Variants in USP47 observed in about 807,000 individuals in gnomAD.
USP47 encodes the protein ubiquitin specific peptidase 47.
In USP47, 35 loss-of-function variants were observed where a neutral mutation model predicts 165.1. The observed-to-expected ratio is 0.21, with a 90% CI of 0.16 to 0.28. USP47 has a LOEUF of 0.28. Ranked by LOEUF, USP47 falls within the 10% of genes least tolerant of loss-of-function variation. The pLI, the probability that USP47 is intolerant of heterozygous loss-of-function variation, is 1.00. For missense variants in USP47, 1,277 were observed against 1,607.4 expected (o/e 0.79, Z 3.52); for synonymous variants, 531 against 544.5 (o/e 0.98, Z 0.35).
chr11:11,912,727 A>G (rs1002066319), intron 8 of USP47, among the ~76,000 whole-genome samples: 1 of 152,120 alleles, frequency 6.6e-6, no homozygotes, highest in African/African-American at 2.4e-5. Context: ...CTTAAAAAAA[A>G]CAGTATCCCT....
At chr11:11,899,281 G>C (rs78226853) in intron 5 of USP47, among the ~76,000 whole-genome samples, 5,874 of 152,278 alleles carry the variant, frequency 0.039, 147 homozygotes, top group Non-Finnish European at 0.058. Flanking sequence ...CTGGGCACTT[G>C]TTTAACCATC....
At chr11:11,892,156 A>T (rs777518354) in intron 4 of USP47, 50 bp downstream of exon 4, 1 of 1,559,830 alleles carries the variant, frequency 6.4e-7, no homozygotes, top group South Asian at 1.2e-5. Flanking sequence ...GATCCAAAGT[A>T]ATCTTAGCGA....
intron 20 of USP47, 106 bp from the exon 21 acceptor site, chr11:11,947,839 C>A: frequency 1.7e-6 from 2 of 1,173,832 alleles, no homozygotes; most frequent in Non-Finnish European, 2.3e-6. Context: ...AAAAGGGGTA[C>A]TCTTTACTGC....
intron 20 of USP47, among the ~76,000 whole-genome samples, chr11:11,945,394 C>G (rs1037427360): frequency 1.3e-5 from 2 of 152,166 alleles, no homozygotes; most frequent in South Asian, 4.1e-4. Flanking sequence ...GAATGATGCA[C>G]TATGCACAGT....
rs549558632 is a variant in USP47, at chr11:11,936,505, C to A, written c.2072C>A (p.Pro691His). ...KPDQVFQSYK[P>H]GEVMVKVHVV... ...GATCAGGTTTTCCAATCTTATAAAC[C>A]TGGAGGTGAGCAATTTTACACTATT... is the stretch of plus-strand genomic sequence containing the variant. The change falls in exon 17 of 28, where the codon CCT becomes CAT. Residue 691 changes from proline to histidine, a missense_variant. By Grantham distance (77) the Pro-to-His change is moderately conservative (BLOSUM62 -2). Around this residue, in one of 4 missense-constraint regions of USP47, gnomAD observed 909 missense variants for 1,068.1 expected, o/e 0.85. Transcript: ENST00000527733. The A allele has an allele frequency of 6.4e-7, 1 of 1,574,118 alleles. No individual in the cohort carries two copies. The highest frequency in any genetic ancestry group is 8.7e-7 in the Non-Finnish European group (1 of 1,155,808).
intron 13 of USP47, 138 bp downstream of exon 13, chr11:11,930,258 T>C: frequency 2.8e-6 from 2 of 726,456 alleles, no homozygotes; most frequent in East Asian, 5.4e-5. Context: ...CTCCATATTT[T>C]GGAAATAAAG....
chr11:11,916,689 G>A (rs1424035527), intron 8 of USP47, among the ~76,000 whole-genome samples: 1 of 152,104 alleles, frequency 6.6e-6, no homozygotes, highest in Non-Finnish European at 1.5e-5. Context: ...CCAGCAAAGG[G>A]TGTCCAACAT....
At chr11:11,938,458 A>G in intron 18 of USP47, 86 bp downstream of exon 18, 4 of 922,802 alleles carry the variant, frequency 4.3e-6, no homozygotes, top group Non-Finnish European at 5.0e-6. Context: ...AATAAGATAC[A>G]TGCTTTACCT....
chr11:11,939,048 G>A (rs1178854093), intron 18 of USP47, among the ~76,000 whole-genome samples: 1 of 151,928 alleles, frequency 6.6e-6, no homozygotes, highest in Non-Finnish European at 1.5e-5. Flanking sequence ...AAATACTGGT[G>A]CCATTATGTG....
intron 25 of USP47, among the ~76,000 whole-genome samples, chr11:11,953,601 A>C (rs1344707069): frequency 6.6e-6 from 1 of 152,168 alleles, no homozygotes; most frequent in African/African-American, 2.4e-5. Context: ...AAGCTAAAAG[A>C]CAATAAACTA....
chr11:11,949,621 T>C (rs1239087964), intron 22 of USP47, among the ~76,000 whole-genome samples: 1 of 152,096 alleles, frequency 6.6e-6, no homozygotes, highest in Non-Finnish European at 1.5e-5. Context: ...AATACAAGTG[T>C]GTTATCCTAT....
Position 11,897,567 on chromosome 11 carries a change from T to G in USP47, c.497-30T>G, listed in dbSNP as rs1166650268. The stretch of plus-strand genomic sequence containing the variant: ...TTGTTATTTTTAATGTAAATGCTGA[T>G]TAATGTACATTTGTATTTTCTCTTT... On this transcript the variant is annotated intron_variant, in intron 4 of 27. Transcript: ENST00000527733. 2.1e-6 allele frequency: 3 copies of G among 1,455,098 alleles called. No homozygotes were observed. In the South Asian group the frequency reaches 3.7e-5, roughly 18 times the overall value. 90.1% of individuals were successfully genotyped at this position (1,455,098 alleles called of 1,614,324 possible).
chr11:11,947,752 T>A (rs1313671356), intron 20 of USP47, among the ~76,000 whole-genome samples, 193 bp from the exon 21 acceptor site: 1 of 152,188 alleles, frequency 6.6e-6, no homozygotes, highest in Non-Finnish European at 1.5e-5. Flanking sequence ...TTTTAAGCTG[T>A]CAGATAAAAC....
chr11:11,899,090 C>G (rs537954102), intron 5 of USP47, among the ~76,000 whole-genome samples: 1 of 152,090 alleles, frequency 6.6e-6, no homozygotes, highest in Non-Finnish European at 1.5e-5. Flanking sequence ...TGTGCACTAG[C>G]GGATGCCAAT....
rs1424953955 is a variant in USP47 at position 11,958,200 on chromosome 11, A to G, written c.*2025A>G. ...TGATTGGGTTTGGTTTAGTATTCCT[A>G]TGAGCGTAAATGGTAAAATTCTTCT... On this transcript the variant is annotated 3_prime_UTR_variant, in exon 28 of 28. Transcript: ENST00000527733. 1.3e-5 allele frequency: 2 copies of G among 152,220 alleles called. No homozygotes were observed. The highest frequency in any genetic ancestry group is 2.9e-5 in the Non-Finnish European group (2 of 68,040). 9.4% of individuals were successfully genotyped at this position (152,220 alleles called of 1,614,324 possible).
chr11:11,949,942 A>G lies in USP47; in HGVS notation c.3402A>G (p.Gln1134=). 1.2e-6 allele frequency: 2 copies of G among 1,613,108 alleles called. No individual in the cohort carries two copies. The highest frequency in any genetic ancestry group is 1.3e-5 in the African/African-American group (1 of 74,986). ...AVFAKGMTVR[Q]SKEELIPQLR... ...TTGCTAAAGGAATGACTGTACGGCA[A>G]TCAAAAGAGGAATTAATTCCTCAGC... Residue 1134 remains glutamine (Q), a synonymous_variant, in exon 23 of 28, where the codon CAA becomes CAG. Transcript: ENST00000527733.
chr11:11,887,089 A>G (rs1005660364), intron 3 of USP47, among the ~76,000 whole-genome samples: 1 of 152,194 alleles, frequency 6.6e-6, no homozygotes, highest in Non-Finnish European at 1.5e-5. Flanking sequence ...AAAGCACTAA[A>G]TATGGGAAGG....
At chr11:11,895,514 T>TA (rs1270879590) in intron 4 of USP47, among the ~76,000 whole-genome samples, 1 of 152,238 alleles carries the variant, frequency 6.6e-6, no homozygotes, top group African/African-American at 2.4e-5. Flanking sequence ...GAAATGTTCT[T>TA]ATTAGAAAAT....
At chr11:11,874,933 C>G (rs1206370684) in intron 1 of USP47, among the ~76,000 whole-genome samples, 1 of 151,988 alleles carries the variant, frequency 6.6e-6, no homozygotes, top group Non-Finnish European at 1.5e-5. Context: ...TGTGGCAATA[C>G]ATTAATCTTG....
Sources: gnomAD v4.1 joint callset for allele counts (sites outside exome capture counted in the v4.1 genomes callset) on GRCh38, gnomAD v4.1.1 for gene constraint, gnomAD v4.1.1 regional missense constraint, MANE v1.5 for transcripts, NCBI Gene and HGNC (gene_info 2026-07-23, HGNC 2026-07-21) for gene names.